Variants in CAST observed in about 807,000 individuals in gnomAD.
CAST encodes the protein MIR583 host.
CAST carries 76 observed loss-of-function variants against 119.6 expected under a neutral mutation model. That is an observed-to-expected ratio of 0.64 (90% CI 0.53 to 0.77). The LOEUF (loss-of-function observed/expected upper bound fraction) is 0.77. Among genes scored for constraint, CAST ranks in the 30% least tolerant of loss-of-function variants. The pLI, the probability that CAST is intolerant of heterozygous loss-of-function variation, is 0.00. For missense variants in CAST, 953 were observed against 946.5 expected, an observed-to-expected ratio of 1.01 and a Z score of -0.09; for synonymous variants, 319 against 331.6, an observed-to-expected ratio of 0.96 and a Z score of 0.41.
the CAST span, among the ~76,000 whole-genome samples, chr5:95,990,243 G>C: frequency 6.6e-6 from 1 of 152,078 alleles, no homozygotes; most frequent in Non-Finnish European, 1.5e-5. Flanking sequence ...ATCATGTCCA[G>C]AGTCAGGAAA....
At chr5:96,345,117 C>A in the CAST span, among the ~76,000 whole-genome samples, 1 of 152,122 alleles carries the variant, frequency 6.6e-6, no homozygotes. Flanking sequence ...TATATTTAAT[C>A]AGTCTGTTAT....
At chr5:96,146,451 G>C in the CAST span, among the ~76,000 whole-genome samples, 1 of 152,240 alleles carries the variant, frequency 6.6e-6, no homozygotes, top group Admixed American at 6.5e-5. Flanking sequence ...CAGGCCTCAG[G>C]CAGGGCCTGG....
At chr5:96,162,457 G>T in the CAST span, among the ~76,000 whole-genome samples, 7 of 152,096 alleles carry the variant, frequency 4.6e-5, no homozygotes, top group East Asian at 9.7e-4. Flanking sequence ...TTGCTCTGTC[G>T]CCCAGGCTGG....
the CAST span, among the ~76,000 whole-genome samples, chr5:96,409,015 G>A: frequency 9.9e-5 from 15 of 152,268 alleles, no homozygotes; most frequent in African/African-American, 3.4e-4. Context: ...TGTAAAATGC[G>A]ATTTATATTT....
chr5:96,221,483 A>G, the CAST span, among the ~76,000 whole-genome samples: 1 of 152,180 alleles, frequency 6.6e-6, no homozygotes, highest in Non-Finnish European at 1.5e-5. Flanking sequence ...GCTGAAAAAG[A>G]AATCAACAAG....
the CAST span, among the ~76,000 whole-genome samples, chr5:96,329,318 A>G: frequency 2.6e-5 from 4 of 152,210 alleles, no homozygotes; most frequent in South Asian, 2.1e-4. Flanking sequence ...TACTTCTCTT[A>G]ATATTTTGAC....
chr5:96,397,291 T>G, the CAST span: 1 of 1,580,220 alleles, frequency 6.3e-7, no homozygotes, highest in Non-Finnish European at 8.7e-7. Flanking sequence ...CTTCAAAATG[T>G]TTAAAAGTAA....
chr5:96,742,852 TGGAG>T, intron 16 of CAST, 96 bp downstream of exon 16: 1 of 865,718 alleles, frequency 1.2e-6, no homozygotes. Flanking sequence ...CAACTTTTAT[TGGAG>T]AGTAAAAGTG....
At chr5:96,491,103 G>A in the CAST span, among the ~76,000 whole-genome samples, 18 of 151,808 alleles carry the variant, frequency 1.2e-4, no homozygotes, top group African/African-American at 3.6e-4. Context: ...AGAGAATATC[G>A]AAACATGAAA....
At chr5:96,271,263 A>G in the CAST span, among the ~76,000 whole-genome samples, 1 of 152,196 alleles carries the variant, frequency 6.6e-6, no homozygotes. Flanking sequence ...TAAAATGTAT[A>G]TGGAACCACA....
At chr5:96,305,067 T>C in the CAST span, among the ~76,000 whole-genome samples, 1 of 152,258 alleles carries the variant, frequency 6.6e-6, no homozygotes, top group Non-Finnish European at 1.5e-5. Flanking sequence ...TGATATTGAT[T>C]CTTCCTATCC....
chr5:96,198,354 C>G, the CAST span, among the ~76,000 whole-genome samples: 1 of 152,108 alleles, frequency 6.6e-6, no homozygotes, highest in Non-Finnish European at 1.5e-5. Context: ...CTTTGCCCCT[C>G]CCTTTGTCAG....
the CAST span, among the ~76,000 whole-genome samples, chr5:96,164,558 A>G: frequency 6.6e-6 from 1 of 152,210 alleles, no homozygotes; most frequent in Non-Finnish European, 1.5e-5. Flanking sequence ...GATGGTCAAC[A>G]ATCAGTTCGC....
chr5:96,340,677 T>C, the CAST span, among the ~76,000 whole-genome samples: 7 of 152,226 alleles, frequency 4.6e-5, no homozygotes, highest in African/African-American at 1.7e-4. Flanking sequence ...CCCCAGTTTA[T>C]AACCTCTTCA....
chr5:96,050,018 G>A, the CAST span: 1 of 151,748 alleles, frequency 6.6e-6, no homozygotes, highest in African/African-American at 2.4e-5. Context: ...TTGTTAAGAG[G>A]AAATGAGTAG....
chr5:96,306,029 C>A, the CAST span, among the ~76,000 whole-genome samples: 1 of 152,108 alleles, frequency 6.6e-6, no homozygotes, highest in Non-Finnish European at 1.5e-5. Flanking sequence ...GAAGTACCAG[C>A]TCCTCCTCGT....
the CAST span, among the ~76,000 whole-genome samples, chr5:96,135,179 CTTTAAACAAATAAT>C: frequency 1.3e-5 from 2 of 152,114 alleles, no homozygotes; most frequent in Non-Finnish European, 2.9e-5. Flanking sequence ...CACGGGATGA[CTTTAAACAAATAAT>C]TTATTTTACT....
chr5:96,588,343 A>G (rs1746897193), intron 1 of CAST, among the ~76,000 whole-genome samples: 2 of 151,522 alleles, frequency 1.3e-5, no homozygotes, highest in Non-Finnish European at 1.5e-5. Context: ...CTGGGACTAC[A>G]GGCACACGCC....
the CAST span, among the ~76,000 whole-genome samples, chr5:96,186,046 T>C: frequency 6.6e-6 from 1 of 152,204 alleles, no homozygotes; most frequent in Non-Finnish European, 1.5e-5. Flanking sequence ...TTTATAGTTA[T>C]CCTTTAAAAG....
Sources: allele counts gnomAD v4.1 joint callset (sites outside exome capture counted in the v4.1 genomes callset), GRCh38; gene constraint gnomAD v4.1.1; transcripts MANE v1.5; gene names NCBI Gene and HGNC (gene_info 2026-07-23, HGNC 2026-07-21).